The following INTU variants were observed in gnomAD, a reference collection of about 807,000 sequenced individuals.
INTU encodes the protein inturned planar cell polarity protein, also known as protein inturned.
INTU carries 68 observed loss-of-function variants against 100.5 expected under a neutral mutation model. The observed-to-expected ratio is 0.68, with a 90% confidence interval of 0.56 to 0.83. The LOEUF (loss-of-function observed/expected upper bound fraction) is 0.83. Among genes scored for constraint, INTU ranks in the 40% least tolerant of loss-of-function variants. The pLI is 0.00. For synonymous variants in INTU, 357 were observed against 395.7 expected (o/e 0.90, Z 1.16); for missense variants, 1,071 against 1,114.7 (o/e 0.96, Z 0.56).
intron 14 of INTU, among the ~76,000 whole-genome samples, chr4:127,712,735 G>A (rs1731136938): frequency 6.6e-6 from 1 of 152,226 alleles, no homozygotes; most frequent in Non-Finnish European, 1.5e-5. Flanking sequence ...GAGGGAGCAA[G>A]CCATGTGGCT....
Position 127,711,648 on chromosome 4 carries a change from C to T in INTU, c.2559+546C>T, listed in dbSNP as rs148070288. Among the ~76,000 whole-genome samples, 57 of 152,280 alleles carry T rather than the reference C, an allele frequency of 3.7e-4. No homozygotes were observed. The East Asian group carries it at 9.3e-3, about 25-fold the overall frequency. The stretch of plus-strand genomic sequence containing the variant: ...TCTGCTTCCTATCAAATCAGCAGCA[C>T]ATACGAGTGCAAACCCTATTATTGT... On this transcript the variant is annotated intron_variant, in intron 14 of 15. Coordinates refer to ENST00000335251, the MANE Select transcript of INTU (RefSeq NM_015693.4).
At chr4:127,654,366 G>T (rs1176421466) in intron 2 of INTU, among the ~76,000 whole-genome samples, 1 of 152,198 alleles carries the variant, frequency 6.6e-6, no homozygotes, top group Admixed American at 6.5e-5. Flanking sequence ...GGTACCGGTT[G>T]TTCCTTTCCA....
Position 127,663,433 on chromosome 4 carries a change from C to T in INTU, c.821C>T (p.Pro274Leu), listed in dbSNP as rs1396890300. 6.2e-7 allele frequency: 1 copy of T among 1,613,086 alleles called. No homozygotes were observed. The highest frequency in any genetic ancestry group is 8.5e-7 in the Non-Finnish European group (1 of 1,179,420). The change falls in exon 4 of 16, where the codon CCA becomes CTA. Residue 274 changes from proline (P) to leucine (L), a missense_variant. Physicochemically the swap from Pro to Leu is moderately conservative, Grantham distance 98. Transcript: ENST00000335251. Reference sequence around the variant, plus strand: ...GATGTGAAAAGGGAGACGTCCCATCCAAGACAGAAAAAGACACAGTCCAAC... The same window carrying T: ...GATGTGAAAAGGGAGACGTCCCATCTAAGACAGAAAAAGACACAGTCCAAC... ...AYDVKRETSH[P>L]RQKKTQSNTS... is the part of the protein sequence containing the mutation.
chr4:127,689,803 A>G (rs903866368), intron 8 of INTU, among the ~76,000 whole-genome samples: 2 of 152,200 alleles, frequency 1.3e-5, no homozygotes, highest in Admixed American at 6.6e-5. Context: ...CGATATAGAT[A>G]GAAACATAGA....
rs201927152 is a variant in INTU at position 127,706,865 on chromosome 4, G to A, written c.2167G>A (p.Gly723Arg). The A allele has an allele frequency of 2.3e-4, 364 of 1,613,984 alleles. No homozygotes were observed. The highest frequency in any genetic ancestry group is 2.9e-4 in the Non-Finnish European group (342 of 1,180,010). Reference protein sequence around the residue: ...SGGSDNGCEGGEDDGFSPHTT... With the variant: ...SGGSDNGCEGREDDGFSPHTT... ...AGGATCTGACAATGGTTGTGAAGGTGGAGAAGATGATGGCTTTAGCCCCCA... is the reference window on the plus strand; with the variant it reads ...AGGATCTGACAATGGTTGTGAAGGTAGAGAAGATGATGGCTTTAGCCCCCA... Residue 723 changes from glycine (G) to arginine (R), a missense_variant, in exon 12 of 16, where the codon GGA (glycine) becomes AGA (arginine). Transcript: ENST00000335251.
chr4:127,684,990 C>T (rs375465079), intron 7 of INTU, among the ~76,000 whole-genome samples: 1 of 152,068 alleles, frequency 6.6e-6, no homozygotes, highest in East Asian at 1.9e-4. Flanking sequence ...CCATCAAATT[C>T]ACTATCCTGA....
intron 2 of INTU, among the ~76,000 whole-genome samples, chr4:127,649,493 A>G (rs904319529): frequency 1.3e-5 from 2 of 151,852 alleles, no homozygotes; most frequent in Non-Finnish European, 2.9e-5. Context: ...AATACCTGGG[A>G]CCAGAAGTGC....
intron 3 of INTU, among the ~76,000 whole-genome samples, chr4:127,657,758 C>T (rs1011753624): frequency 3.3e-5 from 5 of 151,710 alleles, no homozygotes; most frequent in African/African-American, 1.2e-4. Flanking sequence ...CAGATGGGAC[C>T]ATCTAGTTGC....
chr4:127,709,130 C>G (rs559627977), intron 13 of INTU, among the ~76,000 whole-genome samples: 7 of 152,286 alleles, frequency 4.6e-5, no homozygotes, highest in African/African-American at 1.7e-4. Flanking sequence ...GTTGACTCAG[C>G]TAAGGTTACA....
intron 8 of INTU, chr4:127,699,329 T>C (rs1730539771): frequency 6.6e-6 from 1 of 152,206 alleles, no homozygotes; most frequent in Non-Finnish European, 1.5e-5. Flanking sequence ...AGGTGATACA[T>C]GAAAGAGTTC....
At chr4:127,711,396 T>A (rs917159746) in intron 14 of INTU, among the ~76,000 whole-genome samples, 3 of 152,228 alleles carry the variant, frequency 2.0e-5, no homozygotes, top group Non-Finnish European at 2.9e-5. Context: ...TTGATATCTG[T>A]GACTCAACCA....
At chr4:127,655,274 G>A (rs913899795) in intron 2 of INTU, among the ~76,000 whole-genome samples, 19 of 152,186 alleles carry the variant, frequency 1.2e-4, no homozygotes, top group Non-Finnish European at 2.2e-4. Context: ...GAGGAACTGC[G>A]TTCCGTTGGA....
chr4:127,668,846 T>C (rs1560847675), intron 4 of INTU, among the ~76,000 whole-genome samples, 190 bp from the exon 5 acceptor site: 1 of 151,892 alleles, frequency 6.6e-6, no homozygotes, highest in Non-Finnish European at 1.5e-5. Flanking sequence ...TATTTTCAAG[T>C]GTAGTCTTTT....
Position 127,716,415 on chromosome 4 carries a change from G to A in INTU, c.2808G>A (p.Leu936=). ...TTGCCATTGAAATAGCTTTTAAATT[G>A]TTCTTTGGGTTAACCTTGTAGCTGT... ...TEIAIEIAFK[L]FFGLTL is the part of the protein sequence containing the mutation. The change falls in exon 16 of 16, where the codon TTG becomes TTA. Residue 936 remains leucine (L), a synonymous_variant. Coordinates refer to ENST00000335251, the MANE Select transcript of INTU (RefSeq NM_015693.4). 6.3e-7 allele frequency: 1 copy of A among 1,578,208 alleles called. No homozygotes were observed. Among genetic ancestry groups the A allele is most frequent in the South Asian group, 1.2e-5 (1 of 86,574 alleles).
chr4:127,671,463 CAG>C (rs1448496655), intron 5 of INTU, among the ~76,000 whole-genome samples: 3 of 151,958 alleles, frequency 2.0e-5, no homozygotes, highest in African/African-American at 7.2e-5. Flanking sequence ...CAAAAAATAA[CAG>C]ATGCTGGTGA....
intron 8 of INTU, among the ~76,000 whole-genome samples, chr4:127,690,508 A>C (rs1398888845): frequency 6.6e-6 from 1 of 152,216 alleles, no homozygotes; most frequent in African/African-American, 2.4e-5. Context: ...TGAAATTAAT[A>C]CACAGGAAAC....
intron 12 of INTU, 57 bp downstream of exon 12, chr4:127,707,026 G>A: frequency 2.0e-6 from 3 of 1,527,386 alleles, no homozygotes; most frequent in Non-Finnish European, 2.6e-6. Context: ...TCCAGTCCTT[G>A]TTTTATAATT....
chr4:127,633,502 T>A (rs1284882590), intron 1 of INTU, among the ~76,000 whole-genome samples: 1 of 152,200 alleles, frequency 6.6e-6, no homozygotes, highest in East Asian at 1.9e-4. Context: ...TTCAAAAAAC[T>A]CTGTTTCGAT....
chr4:127,691,962 G>GTA (rs1553982611), intron 8 of INTU, among the ~76,000 whole-genome samples: 6,326 of 98,118 alleles, frequency 0.064, 892 homozygotes, highest in African/African-American at 0.15. Flanking sequence ...TCCATGGTAT[G>GTA]TATATATATA....
Sources: gnomAD v4.1 joint callset for allele counts (sites outside exome capture counted in the v4.1 genomes callset) on GRCh38, gnomAD v4.1.1 for gene constraint, MANE v1.5 for transcripts, NCBI Gene and HGNC (gene_info 2026-07-23, HGNC 2026-07-21) for gene names.